GRIP1: variants seen among roughly 807,000 people sequenced by gnomAD.
GRIP1 encodes the protein glutamate receptor-interacting protein 1.
Under a neutral mutation model 129.9 loss-of-function variants are expected in GRIP1, and 45 were observed. That is an observed-to-expected ratio of 0.35 (90% CI 0.27 to 0.44). The LOEUF is 0.44. Ranked by LOEUF, GRIP1 falls within the 20% of genes least tolerant of loss-of-function variation. The pLI, the probability that GRIP1 is intolerant of heterozygous loss-of-function variation, is 1.00. For synonymous variants in GRIP1, 530 were observed against 520.8 expected, an observed-to-expected ratio of 1.02 and a Z score of -0.24; for missense variants, 1,196 against 1,396.8, an observed-to-expected ratio of 0.86 and a Z score of 2.29.
intron 5 of GRIP1, among the ~76,000 whole-genome samples, chr12:66,525,805 C>A (rs550647635): frequency 1.2e-4 from 19 of 152,224 alleles, no homozygotes; most frequent in South Asian, 4.2e-4. Context: ...CCAAAATCTC[C>A]TTAAGCTGAT....
intron 1 of GRIP1, among the ~76,000 whole-genome samples, chr12:67,004,139 A>G (rs570209683): frequency 1.3e-5 from 2 of 152,298 alleles, no homozygotes; most frequent in Admixed American, 6.5e-5. Flanking sequence ...CTAATCTGCA[A>G]AGACTCTTTA....
intron 1 of GRIP1, among the ~76,000 whole-genome samples, chr12:66,691,552 T>C (rs925516102): frequency 6.6e-6 from 1 of 152,156 alleles, no homozygotes; most frequent in African/African-American, 2.4e-5. Context: ...AATGGTTGCC[T>C]ACGTTATCAA....
intron 9 of GRIP1, among the ~76,000 whole-genome samples, chr12:66,460,626 T>G (rs1238710720): frequency 3.3e-5 from 5 of 152,222 alleles, no homozygotes; most frequent in African/African-American, 1.2e-4. Context: ...AGCTAATCTC[T>G]TATCCCAAGT....
At chr12:66,994,197 G>GAA (rs796904380) in intron 1 of GRIP1, among the ~76,000 whole-genome samples, 3 of 137,276 alleles carry the variant, frequency 2.2e-5, no homozygotes, top group South Asian at 4.6e-4. Flanking sequence ...AGACAAGTGG[G>GAA]AAAAAAAAAA....
chr12:66,693,900 T>C (rs2035064011), intron 1 of GRIP1, among the ~76,000 whole-genome samples: 1 of 152,220 alleles, frequency 6.6e-6, no homozygotes, highest in African/African-American at 2.4e-5. Context: ...GTGGTTGATT[T>C]GATTGCACTC....
chr12:66,582,044 A>T (rs2063407654), intron 2 of GRIP1, among the ~76,000 whole-genome samples: 2 of 152,184 alleles, frequency 1.3e-5, no homozygotes, highest in Non-Finnish European at 2.9e-5. Context: ...GCACATCAAA[A>T]AGCTTATCCA....
At chr12:66,939,025 G>C (rs544714791) in intron 1 of GRIP1, among the ~76,000 whole-genome samples, 155 of 92,898 alleles carry the variant, frequency 1.7e-3, no homozygotes, top group Admixed American at 5.5e-3. Flanking sequence ...GAGGAAAAAG[G>C]GGGTATAGTT....
At chr12:66,668,450 A>G (rs2033910194) in intron 1 of GRIP1, among the ~76,000 whole-genome samples, 1 of 152,218 alleles carries the variant, frequency 6.6e-6, no homozygotes, top group African/African-American at 2.4e-5. Context: ...AGAATTAACA[A>G]TAGTTTGTCC....
At position 66,606,498 on chromosome 12, in the gene GRIP1, T is replaced by A. The variant is rs192811134; in HGVS notation, c.56-9571A>T. ...CCAGAAGCCTTTTTAATGTAAATGA[T>A]ACTAATAACTTTATAAATAATTAGA... On this transcript the variant is annotated intron_variant, in intron 1 of 24. Transcript: ENST00000359742. 3.5e-4 allele frequency among the ~76,000 whole-genome samples: 53 copies of A among 152,142 alleles called. No homozygotes were observed. In the East Asian group the frequency reaches 9.8e-3, roughly 28 times the overall value.
intron 1 of GRIP1, among the ~76,000 whole-genome samples, chr12:66,754,379 A>C (rs149950227): frequency 3.0e-3 from 459 of 152,286 alleles, no homozygotes; most frequent in African/African-American, 0.01. Context: ...CTTCCCTCCA[A>C]AAGCTGCAAC....
At chr12:66,664,750 T>C (rs1275656988) in intron 1 of GRIP1, among the ~76,000 whole-genome samples, 4 of 152,204 alleles carry the variant, frequency 2.6e-5, no homozygotes, top group Non-Finnish European at 5.9e-5. Flanking sequence ...CCCAGTTCAG[T>C]ATCTCAATTA....
chr12:66,754,572 C>T (rs1592811329), intron 1 of GRIP1, among the ~76,000 whole-genome samples: 2 of 152,138 alleles, frequency 1.3e-5, no homozygotes, highest in Non-Finnish European at 1.5e-5. Flanking sequence ...GGCAGAGAGC[C>T]GTCACTACAC....
rs1294186140 is a variant in GRIP1 at position 67,069,151 on chromosome 12, T to C, written c.-44A>G. ...CGCTGTCGGGCTCGCTCTTTCTCGCTGGCTCTCTTTCTCCGGGGCTCTCCG... is the reference window on the plus strand; with the variant it reads ...CGCTGTCGGGCTCGCTCTTTCTCGCCGGCTCTCTTTCTCCGGGGCTCTCCG... On this transcript the variant is annotated 5_prime_UTR_variant, in exon 1 of 2. Transcript: ENST00000643019. The C allele has an allele frequency of 5.1e-6, 5 of 978,898 alleles. No individual in the cohort carries two copies. The East Asian group carries it at 4.6e-4, about 90-fold the overall frequency. The allele number at this position is 978,898 out of a possible 1,614,324, so 60.6% of individuals were successfully genotyped here.
chr12:66,772,388 A>G (rs957282337), intron 1 of GRIP1, among the ~76,000 whole-genome samples: 1 of 152,252 alleles, frequency 6.6e-6, no homozygotes, highest in East Asian at 1.9e-4. Context: ...CAGTGCAGGG[A>G]GCTAAAACCC....
intron 1 of GRIP1, among the ~76,000 whole-genome samples, chr12:66,990,379 T>C (rs372728062): frequency 6.6e-6 from 1 of 152,244 alleles, no homozygotes; most frequent in South Asian, 2.1e-4. Flanking sequence ...ATTTAATGTA[T>C]TTAACACTGA....
intron 1 of GRIP1, among the ~76,000 whole-genome samples, chr12:66,797,634 C>T (rs901403591): frequency 1.1e-4 from 16 of 152,140 alleles, no homozygotes; most frequent in Admixed American, 4.6e-4. Flanking sequence ...ACTAAAGAAT[C>T]ATATTTTCCA....
At chr12:66,805,986 T>C (rs1198586561), upstream of GRIP1, among the ~76,000 whole-genome samples, 1 of 151,300 alleles carries the variant, frequency 6.6e-6, no homozygotes, top group Non-Finnish European at 1.5e-5. Flanking sequence ...TTCTTTTTTT[T>C]TTTTTTGGTT....
chr12:66,569,476 G>GA (rs112800580), intron 2 of GRIP1, among the ~76,000 whole-genome samples: 16,692 of 148,460 alleles, frequency 0.11, 1,025 homozygotes, highest in Middle Eastern at 0.19. Flanking sequence ...GACTTCGTCT[G>GA]AAAAAAAAAA....
At chr12:66,468,679 G>GTTTTT (rs35563749) in intron 7 of GRIP1, among the ~76,000 whole-genome samples, 2,158 of 149,180 alleles carry the variant, frequency 0.014, 58 homozygotes, top group African/African-American at 0.047. Flanking sequence ...CCTTAAGTTA[G>GTTTTT]TTTTTTTTTT....
Sources: gnomAD v4.1 joint callset for allele counts (sites outside exome capture counted in the v4.1 genomes callset) on GRCh38, gnomAD v4.1.1 for gene constraint, MANE v1.5 for transcripts, NCBI Gene and HGNC (gene_info 2026-07-23, HGNC 2026-07-21) for gene names.